Variants in CRLF2 observed in about 807,000 individuals in gnomAD.
CRLF2 encodes cytokine receptor-like factor 2.
CRLF2 carries 41 observed loss-of-function variants against 38.7 expected under a neutral mutation model. That is an observed-to-expected ratio of 1.06 (90% CI 0.83 to 1.37). The LOEUF (loss-of-function observed/expected upper bound fraction) is 1.37, where lower values mean the gene tolerates loss of function less well. Ranked by LOEUF, CRLF2 falls within the 40% of genes most tolerant of loss-of-function variation. The pLI is 0.00. For missense variants in CRLF2, 377 were observed against 322.2 expected (o/e 1.17, Z -1.30); for synonymous variants, 140 against 128.8 (o/e 1.09, Z -0.59).
intron 4 of CRLF2, 42 bp from the exon 5 acceptor site, chrX:1,198,766 C>CACAT: frequency 7.3e-7 from 1 of 1,373,430 alleles, no homozygotes; most frequent in East Asian, 2.5e-5. Flanking sequence ...CACACACACA[C>CACAT]ACACACACAC....
At chrX:1,210,115 AGAAAAG>A (rs1376134404) in intron 1 of CRLF2, among the ~76,000 whole-genome samples, 8,424 of 126,782 alleles carry the variant, frequency 0.066, 700 homozygotes, top group African/African-American at 0.16. Flanking sequence ...AAAAAAAAAA[AGAAAAG>A]AAAAGAAAAG....
At chrX:1,191,317 C>CT (rs1201481713) in intron 7 of CRLF2, among the ~76,000 whole-genome samples, 157 bp from the exon 8 acceptor site, 1 of 113,896 alleles carries the variant, frequency 8.8e-6, no homozygotes, top group African/African-American at 3.2e-5. Flanking sequence ...TTCTTTCTTT[C>CT]TTTCTTTCTT....
At chrX:1,198,537 G>C (rs1371678640) in intron 5 of CRLF2, 25 bp downstream of exon 5, 1 of 1,612,534 alleles carries the variant, frequency 6.2e-7, no homozygotes, top group Non-Finnish European at 8.5e-7. Context: ...AAGGCTATGG[G>C]ACACTGCCGC....
intron 5 of CRLF2, among the ~76,000 whole-genome samples, chrX:1,197,358 A>G (rs1308922196): frequency 6.6e-6 from 1 of 151,528 alleles, no homozygotes; most frequent in Non-Finnish European, 1.5e-5. Flanking sequence ...GGAAAGAGAC[A>G]CCGTGTCTCT....
rs1407876239 is a variant in CRLF2 at position 1,196,800 on chromosome X, CAGA to C, written c.744_746del (p.Leu249del). The C allele has an allele frequency of 2.2e-5, 36 of 1,613,168 alleles. No individual in the cohort carries two copies. Among genetic ancestry groups the C allele is most frequent in the Non-Finnish European group, 2.9e-5 (34 of 1,179,514 alleles). ...CTTACCTCCATAATTTCCATAAAGACAGAAGGAGGAGAGACACCATCAGAAGGA... is the reference window on the plus strand; with the variant it reads ...CTTACCTCCATAATTTCCATAAAGACAGGAGGAGAGACACCATCAGAAGGA... On this transcript the variant is annotated inframe_deletion, in exon 6 of 8. Coordinates refer to ENST00000400841, the MANE Select transcript of CRLF2 (RefSeq NM_022148.4).
chrX:1,207,387 C>T (rs1359682800), intron 2 of CRLF2, among the ~76,000 whole-genome samples: 1 of 151,956 alleles, frequency 6.6e-6, no homozygotes, highest in South Asian at 2.1e-4. Flanking sequence ...TCCCAAGTTG[C>T]TGGGATTACA....
intron 1 of CRLF2, among the ~76,000 whole-genome samples, chrX:1,209,391 G>A (rs111736439): frequency 1.3e-5 from 2 of 151,046 alleles, no homozygotes; most frequent in East Asian, 2.0e-4. Flanking sequence ...GACTGCAGTG[G>A]CGCAATCTCG....
At chrX:1,193,781 CAAAAAAAAAAA>C (rs1176813644) in intron 6 of CRLF2, among the ~76,000 whole-genome samples, 1 of 58,990 alleles carries the variant, frequency 1.7e-5, no homozygotes, top group African/African-American at 8.5e-5. Flanking sequence ...GACTCCATCT[CAAAAAAAAAAA>C]AAAAAAAAAA....
chrX:1,193,583 G>A (rs1292216592), intron 6 of CRLF2, among the ~76,000 whole-genome samples: 12 of 151,466 alleles, frequency 7.9e-5, no homozygotes, highest in African/African-American at 2.9e-4. Context: ...TTTGAGACCA[G>A]CCTGGCCAAC....
intron 4 of CRLF2, 117 bp from the exon 5 acceptor site, chrX:1,198,841 C>G: frequency 9.6e-7 from 1 of 1,037,118 alleles, no homozygotes; most frequent in Non-Finnish European, 1.4e-6. Flanking sequence ...TTCACAGTCT[C>G]GCTGACTTCA....
At chrX:1,200,370 G>A (rs1164168266) in intron 4 of CRLF2, among the ~76,000 whole-genome samples, 1 of 148,202 alleles carries the variant, frequency 6.7e-6, no homozygotes. Context: ...GTATAAATAT[G>A]TGTATATAAG....
chrX:1,208,758 G>A, intron 2 of CRLF2, 48 bp downstream of exon 2: 1 of 1,123,866 alleles, frequency 8.9e-7, no homozygotes, highest in South Asian at 1.2e-5. Context: ...TCAGAAGAGC[G>A]ATTTTGAGCC....
At chrX:1,191,852 C>T (rs2086386488) in intron 7 of CRLF2, among the ~76,000 whole-genome samples, 1 of 151,868 alleles carries the variant, frequency 6.6e-6, no homozygotes, top group African/African-American at 2.4e-5. Context: ...AATTCTAAGC[C>T]CTCCAACAGA....
Position 1,198,593 on chromosome X carries a change from C to A in CRLF2, c.615G>T (p.Glu205Asp), listed in dbSNP as rs770525990. The part of the protein sequence containing the change: ...GPDTYPSDWS[E>D]VTCWQRGEIR... ...TCTCGCCTCTCTGCCAGCATGTCAC[C>A]TCTGACCAGTCGCTTGGGTATGTGT... The change falls in exon 5 of 8, where the codon GAG (glutamate) becomes GAT (aspartate). Residue 205 changes from glutamate (E) to aspartate (D), a missense_variant. Transcript: ENST00000400841. 1 of 1,613,608 alleles carries A rather than the reference C, an allele frequency of 6.2e-7. No individual in the cohort carries two copies.
At chrX:1,212,331 A>G (rs1468257668) in intron 1 of CRLF2, among the ~76,000 whole-genome samples, 2 of 150,952 alleles carry the variant, frequency 1.3e-5, no homozygotes, top group Non-Finnish European at 2.9e-5. Flanking sequence ...GGGAGCAATA[A>G]GTATACTTAA....
intron 7 of CRLF2, among the ~76,000 whole-genome samples, 169 bp downstream of exon 7, chrX:1,193,049 G>A (rs2086421089): frequency 6.6e-6 from 1 of 151,828 alleles, no homozygotes; most frequent in Non-Finnish European, 1.5e-5. Flanking sequence ...CTGACCTGAA[G>A]TGAGCCTCCC....
Position 1,195,109 on chromosome X carries a change from C to T in CRLF2, c.767+1671G>A, listed in dbSNP as rs1255172062. 6.3e-3 allele frequency among the ~76,000 whole-genome samples: 963 copies of T among 151,814 alleles called. 7 individuals are homozygous for T. Among genetic ancestry groups the T allele is most frequent in the African/African-American group, 0.022 (913 of 41,408 alleles). ...TGGGGAGGCTGAGGCAGGAGAATTG[C>T]TTGAACTCGGGAGGCAGAGGTTGCA... On this transcript the variant is annotated intron_variant, in intron 6 of 7. Coordinates refer to ENST00000400841, the MANE Select transcript of CRLF2 (RefSeq NM_022148.4).
chrX:1,197,649 A>AC (rs1431710602), intron 5 of CRLF2, among the ~76,000 whole-genome samples: 1 of 151,770 alleles, frequency 6.6e-6, no homozygotes, highest in Non-Finnish European at 1.5e-5. Flanking sequence ...CGCCATCCCT[A>AC]CTAAAAATAC....
At position 1,212,556 on chromosome X, in the gene CRLF2, C is replaced by T. The variant is rs764528631; in HGVS notation, c.79G>A (p.Ala27Thr). ...GWMALGQGGA[A>T]EGVQIQIIYF... The stretch of plus-strand genomic sequence containing the variant: ...AAGAAGAGGGTGTTTAAATAATTAC[C>T]TGCTCCTCCTTGCCCCAAAGCCATC... Residue 27 changes from alanine (A) to threonine (T), a missense_variant and splice_region_variant, in exon 1 of 8, where the codon GCA becomes ACA. Ala to Thr is a moderately conservative substitution (Grantham distance 58). Transcript: ENST00000400841. 1.9e-6 allele frequency: 3 copies of T among 1,610,274 alleles called. No individual in the cohort carries two copies. The South Asian group carries it at 3.3e-5, about 18-fold the overall frequency.
Sources: gnomAD v4.1 joint callset for allele counts (sites outside exome capture counted in the v4.1 genomes callset) on GRCh38, gnomAD v4.1.1 for gene constraint, MANE v1.5 for transcripts, NCBI Gene and HGNC (gene_info 2026-07-23, HGNC 2026-07-21) for gene names.